Variants in C19orf47 observed in about 807,000 individuals in gnomAD.
C19orf47 encodes the protein uncharacterized protein C19orf47.
C19orf47 carries 18 observed loss-of-function variants against 32.3 expected under a neutral mutation model. The ratio of observed to expected loss-of-function variants is 0.56; its 90% confidence interval spans 0.39 to 0.83. The LOEUF is 0.83. C19orf47 is among the 40% of genes least tolerant of loss of function. The pLI, the probability that C19orf47 is intolerant of heterozygous loss-of-function variation, is 0.00. For missense variants in C19orf47, 484 were observed against 531.6 expected (o/e 0.91, Z 0.88); for synonymous variants, 202 against 211.1 (o/e 0.96, Z 0.37).
chr19:40,335,901 A>G (rs545725915), intron 4 of C19orf47, among the ~76,000 whole-genome samples: 1 of 152,254 alleles, frequency 6.6e-6, no homozygotes, highest in African/African-American at 2.4e-5. Context: ...GAGCCACCGC[A>G]CCCGGCCAGG....
chr19:40,315,562 C>T (rs1229991204), downstream of C19orf47, among the ~76,000 whole-genome samples: 1 of 152,118 alleles, frequency 6.6e-6, no homozygotes, highest in East Asian at 1.9e-4. Flanking sequence ...GAGCAAATCG[C>T]CTGAGGTCAG....
chr19:40,310,132 T>C, the C19orf47 span, among the ~76,000 whole-genome samples: 51 of 152,170 alleles, frequency 3.4e-4, no homozygotes, highest in African/African-American at 1.1e-3. Context: ...GTCCATCAAC[T>C]CATAGATAAA....
intron 8 of C19orf47, 29 bp downstream of exon 8, chr19:40,323,974 ACGC>A: frequency 6.2e-7 from 1 of 1,613,506 alleles, no homozygotes; most frequent in Non-Finnish European, 8.5e-7. Context: ...AACAGCTCGC[ACGC>A]CCAGAATCGC....
the C19orf47 span, among the ~76,000 whole-genome samples, chr19:40,313,158 T>A: frequency 6.6e-6 from 1 of 152,130 alleles, no homozygotes; most frequent in Non-Finnish European, 1.5e-5. Flanking sequence ...GCAAAGTATA[T>A]CCTCCCATTA....
At chr19:40,327,071 T>C (rs915691462) in intron 6 of C19orf47, among the ~76,000 whole-genome samples, 22 of 149,164 alleles carry the variant, frequency 1.5e-4, no homozygotes, top group Admixed American at 4.8e-4. Context: ...TGGAGTGCAA[T>C]GGCACGATCT....
chr19:40,323,198 C>T (rs1231497287), intron 8 of C19orf47, among the ~76,000 whole-genome samples: 2 of 152,252 alleles, frequency 1.3e-5, no homozygotes, highest in Non-Finnish European at 2.9e-5. Flanking sequence ...CGAGTTGCTG[C>T]ACCCTGCAGA....
chr19:40,324,924 C>A (rs1288340823), intron 7 of C19orf47, among the ~76,000 whole-genome samples: 1 of 151,284 alleles, frequency 6.6e-6, no homozygotes, highest in African/African-American at 2.4e-5. Context: ...CGTACCACAG[C>A]ACTCCAGCCC....
intron 2 of C19orf47, among the ~76,000 whole-genome samples, chr19:40,336,962 C>T (rs569767029): frequency 4.6e-5 from 7 of 152,272 alleles, no homozygotes; most frequent in African/African-American, 1.7e-4. Context: ...ACATGGGCTT[C>T]GGAGCTTGGG....
Position 40,348,245 on chromosome 19 carries a change from G to A in C19orf47, c.-34+79C>T, listed in dbSNP as rs138513107. 3.8e-4 allele frequency: 384 copies of A among 1,011,818 alleles called. 2 individuals carry two copies. In the African/African-American group the frequency reaches 5.7e-3, roughly 15 times the overall value. The allele number at this position is 1,011,818 out of a possible 1,614,324, so 62.7% of individuals were successfully genotyped here. On this transcript the variant is annotated intron_variant, in intron 1 of 8. Transcript: ENST00000683109. ...AGTCCGAAGCCGTACAACGGAGCCC[G>A]AACTGAGTCCAGACACCCGGACGCC...
At chr19:40,345,536 TAAAAAAAAAAAAA>T (rs55954294) in intron 1 of C19orf47, among the ~76,000 whole-genome samples, 1 of 110,848 alleles carries the variant, frequency 9.0e-6, no homozygotes, top group East Asian at 2.8e-4. Flanking sequence ...CTGTCACTGT[TAAAAAAAAAAAAA>T]AAAAAAAAAA....
intron 7 of C19orf47, chr19:40,324,387 G>A (rs2077785523): frequency 2.4e-6 from 1 of 411,536 alleles, no homozygotes; most frequent in South Asian, 4.2e-5. Flanking sequence ...TGGGGTCAGG[G>A]ACCTCTGAGA....
chr19:40,324,249 C>G (rs1430764267), intron 7 of C19orf47, 173 bp from the exon 8 acceptor site: 3 of 643,032 alleles, frequency 4.7e-6, no homozygotes, highest in Non-Finnish European at 8.3e-6. Flanking sequence ...CCTAACCCAC[C>G]CCTATCTGGC....
At chr19:40,328,349 C>T in intron 6 of C19orf47, 64 bp downstream of exon 6, 1 of 1,592,790 alleles carries the variant, frequency 6.3e-7, no homozygotes, top group Non-Finnish European at 8.5e-7. Flanking sequence ...GCATGACCCC[C>T]AACACCTCCT....
intron 1 of C19orf47, among the ~76,000 whole-genome samples, chr19:40,345,340 C>A (rs980388615): frequency 3.3e-5 from 5 of 152,060 alleles, no homozygotes; most frequent in Admixed American, 6.6e-5. Flanking sequence ...AATTTTACCA[C>A]GTCCTAATCC....
At chr19:40,336,019 G>T in intron 4 of C19orf47, 91 bp downstream of exon 4, 4 of 1,183,206 alleles carry the variant, frequency 3.4e-6, no homozygotes, top group Non-Finnish European at 4.9e-6. Flanking sequence ...GGGTCGGCCT[G>T]CCTCTGCTGC....
chr19:40,306,272 A>C, the C19orf47 span, among the ~76,000 whole-genome samples: 27 of 152,262 alleles, frequency 1.8e-4, no homozygotes, highest in East Asian at 4.2e-3. Context: ...AATGGCTCAT[A>C]ACACAATAGA....
chr19:40,319,170 T>G (rs1267528174), downstream of C19orf47, among the ~76,000 whole-genome samples: 1 of 151,604 alleles, frequency 6.6e-6, no homozygotes, highest in Non-Finnish European at 1.5e-5. Context: ...CCAGGGAGGC[T>G]GAGGCAGGAG....
chr19:40,310,865 T>C, the C19orf47 span, among the ~76,000 whole-genome samples: 1 of 152,176 alleles, frequency 6.6e-6, no homozygotes, highest in African/African-American at 2.4e-5. Context: ...AGAAGCAGAA[T>C]TGTTATTTTT....
chr19:40,323,278 C>T (rs1362936460), intron 8 of C19orf47, among the ~76,000 whole-genome samples: 1 of 152,244 alleles, frequency 6.6e-6, no homozygotes, highest in Non-Finnish European at 1.5e-5. Flanking sequence ...CGCCGCACAC[C>T]CCAGCACCAT....
Sources: allele counts gnomAD v4.1 joint callset (sites outside exome capture counted in the v4.1 genomes callset), GRCh38; gene constraint gnomAD v4.1.1; transcripts MANE v1.5; gene names NCBI Gene and HGNC (gene_info 2026-07-23, HGNC 2026-07-21).